RBMS1: variants seen among roughly 807,000 people sequenced by gnomAD.
The protein encoded by RBMS1 is RNA binding motif single stranded interacting protein 1, also known as RNA-binding motif, single-stranded-interacting protein 1.
A neutral mutation model predicts 62.3 loss-of-function variants in RBMS1; 17 were observed. The ratio of observed to expected loss-of-function variants is 0.27; its 90% confidence interval spans 0.19 to 0.41. The LOEUF (loss-of-function observed/expected upper bound fraction) is 0.41. RBMS1 is among the 10% of genes least tolerant of loss of function. The pLI is 1.00. For missense variants in RBMS1, 334 were observed against 504.5 expected, an observed-to-expected ratio of 0.66 and a Z score of 3.24; for synonymous variants, 172 against 170.0, an observed-to-expected ratio of 1.01 and a Z score of -0.09.
chr2:160,322,085 G>C (rs1690591935), intron 2 of RBMS1, among the ~76,000 whole-genome samples: 1 of 152,120 alleles, frequency 6.6e-6, no homozygotes, highest in Non-Finnish European at 1.5e-5. Flanking sequence ...TCCTACTTAT[G>C]TCCTAGACAC....
chr2:160,411,492 C>A (rs4347774), intron 1 of RBMS1, among the ~76,000 whole-genome samples: 32,200 of 152,106 alleles, frequency 0.21, 4,011 homozygotes, highest in Admixed American at 0.37. Context: ...TTAAGACTTA[C>A]AACAGCCCCT....
At chr2:160,363,104 C>T (rs765132756) in intron 2 of RBMS1, among the ~76,000 whole-genome samples, 1 of 152,164 alleles carries the variant, frequency 6.6e-6, no homozygotes, top group African/African-American at 2.4e-5. Context: ...TAATGCTTAT[C>T]ACAATTTTTG....
intron 4 of RBMS1, among the ~76,000 whole-genome samples, chr2:160,310,438 G>T (rs1028488959): frequency 6.6e-6 from 1 of 152,186 alleles, no homozygotes; most frequent in Admixed American, 6.5e-5. Flanking sequence ...AACTGTATTT[G>T]CTATGTAACT....
At chr2:160,278,782 C>G in intron 10 of RBMS1, 124 bp from the exon 11 acceptor site, 1 of 623,940 alleles carries the variant, frequency 1.6e-6, no homozygotes, top group East Asian at 2.9e-5. Flanking sequence ...CAACCTTCCT[C>G]AATCTTGCAA....
intron 2 of RBMS1, among the ~76,000 whole-genome samples, chr2:160,330,618 G>GT (rs71003488): frequency 0.19 from 26,451 of 141,396 alleles, 2,798 homozygotes; most frequent in Admixed American, 0.33. Flanking sequence ...ATGAAAATAT[G>GT]TTTTTTTTTT....
At chr2:160,305,207 A>C (rs1337165855) in intron 4 of RBMS1, among the ~76,000 whole-genome samples, 1 of 152,108 alleles carries the variant, frequency 6.6e-6, no homozygotes, top group African/African-American at 2.4e-5. Context: ...AGTGTTTATA[A>C]AGTCTACAGC....
chr2:160,291,457 T>C (rs1168504058), intron 6 of RBMS1, among the ~76,000 whole-genome samples: 1 of 152,218 alleles, frequency 6.6e-6, no homozygotes, highest in Non-Finnish European at 1.5e-5. Flanking sequence ...TTTTAAAACA[T>C]TTCAATAAGG....
At chr2:160,395,762 T>G (rs1322482372) in intron 1 of RBMS1, among the ~76,000 whole-genome samples, 2 of 152,068 alleles carry the variant, frequency 1.3e-5, no homozygotes, top group Non-Finnish European at 2.9e-5. Flanking sequence ...TTACATTAAC[T>G]CTTTTGACCC....
At chr2:160,466,331 A>G (rs1227739292) in intron 1 of RBMS1, among the ~76,000 whole-genome samples, 1 of 152,290 alleles carries the variant, frequency 6.6e-6, no homozygotes, top group African/African-American at 2.4e-5. Flanking sequence ...TCCTCTGAAT[A>G]TAACAAAATA....
intron 1 of RBMS1, among the ~76,000 whole-genome samples, chr2:160,483,181 T>G (rs573829262): frequency 2.6e-5 from 4 of 152,204 alleles, no homozygotes; most frequent in Non-Finnish European, 5.9e-5. Context: ...TTTTTTTAGG[T>G]TTTTGCCAAT....
At chr2:160,439,812 G>T (rs1375304807) in intron 1 of RBMS1, among the ~76,000 whole-genome samples, 1 of 152,216 alleles carries the variant, frequency 6.6e-6, no homozygotes, top group East Asian at 1.9e-4. Flanking sequence ...CAGCACCTTG[G>T]GAGGCCGAGG....
rs564380370 is a variant in RBMS1 at position 160,392,787 on chromosome 2, G to A, written c.76-25396C>T. Reference sequence around the variant, plus strand: ...TGTGCCTGCGGTCCCAGCTATTTGGGTGGCTAAGGTGGGAGGATTGCTCCA... The same window carrying A: ...TGTGCCTGCGGTCCCAGCTATTTGGATGGCTAAGGTGGGAGGATTGCTCCA... On this transcript the variant is annotated intron_variant, in intron 1 of 13. Coordinates refer to ENST00000348849, the MANE Select transcript of RBMS1 (RefSeq NM_016836.4). Among the ~76,000 whole-genome samples, 16 of 152,138 alleles carry A rather than the reference G, an allele frequency of 1.1e-4. No individual in the cohort carries two copies. The South Asian group carries it at 3.3e-3, about 32-fold the overall frequency.
intron 5 of RBMS1, among the ~76,000 whole-genome samples, chr2:160,303,044 G>C (rs1689300796): frequency 6.6e-6 from 1 of 152,142 alleles, no homozygotes; most frequent in African/African-American, 2.4e-5. Flanking sequence ...AAAGTTAGAA[G>C]CATCCTGATG....
intron 1 of RBMS1, among the ~76,000 whole-genome samples, chr2:160,383,521 CAAAT>C (rs1223359476): frequency 1.3e-5 from 2 of 150,480 alleles, no homozygotes; most frequent in East Asian, 1.9e-4. Context: ...AAAAAATAGA[CAAAT>C]AATAAGTATA....
chr2:160,348,649 T>C (rs540505683), intron 2 of RBMS1, among the ~76,000 whole-genome samples: 1 of 152,214 alleles, frequency 6.6e-6, no homozygotes, highest in East Asian at 1.9e-4. Context: ...GACCTAGAGA[T>C]GAAGCACCTG....
chr2:160,443,538 T>G (rs980374782), intron 1 of RBMS1, among the ~76,000 whole-genome samples: 1 of 151,918 alleles, frequency 6.6e-6, no homozygotes, highest in Non-Finnish European at 1.5e-5. Context: ...TCTGGTCATT[T>G]AAAAGTGTGT....
chr2:160,340,896 A>T (rs1043307836), intron 2 of RBMS1, among the ~76,000 whole-genome samples: 1 of 152,168 alleles, frequency 6.6e-6, no homozygotes, highest in Non-Finnish European at 1.5e-5. Flanking sequence ...CAACTTAAAT[A>T]CCCAACTTTT....
intron 2 of RBMS1, among the ~76,000 whole-genome samples, chr2:160,327,073 AC>A (rs1334477886): frequency 6.6e-6 from 1 of 152,220 alleles, no homozygotes; most frequent in African/African-American, 2.4e-5. Context: ...TAGCTGCCTT[AC>A]AGCATGTGAG....
At chr2:160,357,051 C>A (rs1052395568) in intron 2 of RBMS1, among the ~76,000 whole-genome samples, 13 of 152,104 alleles carry the variant, frequency 8.5e-5, no homozygotes, top group African/African-American at 2.9e-4. Flanking sequence ...CCAAGCACAA[C>A]TGCCAAATAA....
Sources: allele counts gnomAD v4.1 joint callset (sites outside exome capture counted in the v4.1 genomes callset), GRCh38; gene constraint gnomAD v4.1.1; transcripts MANE v1.5; gene names NCBI Gene and HGNC (gene_info 2026-07-23, HGNC 2026-07-21).